Variants in CLIC5 observed in about 807,000 individuals in gnomAD.
The protein encoded by CLIC5 is chloride intracellular channel protein 5.
A neutral mutation model predicts 24.7 loss-of-function variants in CLIC5; 20 were observed. The observed-to-expected ratio is 0.81, with a 90% confidence interval of 0.57 to 1.18. The LOEUF (loss-of-function observed/expected upper bound fraction) is 1.18, where lower values mean the gene tolerates loss of function less well. Ranked by LOEUF, CLIC5 falls within the 50% of genes most tolerant of loss-of-function variation. CLIC5 has a pLI of 0.00. For synonymous variants in CLIC5, 159 were observed against 135.6 expected, an observed-to-expected ratio of 1.17 and a Z score of -1.20; for missense variants, 341 against 326.1, an observed-to-expected ratio of 1.05 and a Z score of -0.35.
chr6:45,949,703 G>A lies in CLIC5; in HGVS notation c.174-322C>T, dbSNP rs189165886. Among the ~76,000 whole-genome samples the A allele has an allele frequency of 2.9e-3, 441 of 152,340 alleles. 1 individual carries two copies. Among genetic ancestry groups the A allele is most frequent in the African/African-American group, 0.01 (422 of 41,570 alleles). On this transcript the variant is annotated intron_variant, in intron 2 of 5. Transcript: ENST00000339561. ...ATCCAAGCTTTAATTACCCAGGGGA[G>A]AGGTGGGGTTTTGCTTTTAAAAGCT...
At chr6:45,898,360 A>G (rs530360139), downstream of CLIC5, 74 of 148,280 alleles carry the variant, frequency 5.0e-4, no homozygotes, top group African/African-American at 1.9e-3. Context: ...AAATAAATTA[A>G]CCTTTATGTG....
chr6:45,898,130 T>G (rs1230989995), downstream of CLIC5, among the ~76,000 whole-genome samples: 1 of 152,166 alleles, frequency 6.6e-6, no homozygotes, highest in African/African-American at 2.4e-5. Context: ...TGGAGTGCAG[T>G]GGTGCAATCT....
chr6:45,963,158 G>T (rs1010893), intron 1 of CLIC5, among the ~76,000 whole-genome samples: 4 of 152,078 alleles, frequency 2.6e-5, no homozygotes, highest in African/African-American at 9.7e-5. Context: ...CTTTCAATCT[G>T]TTTCCGGGTT....
At chr6:45,957,366 A>G (rs4714894) in intron 1 of CLIC5, among the ~76,000 whole-genome samples, 127,972 of 152,130 alleles carry the variant, frequency 0.84, 54,440 homozygotes, top group Non-Finnish European at 0.9. Context: ...AGCTTTTACA[A>G]ATGTGGAAAT....
chr6:45,987,494 G>T lies in CLIC5; in HGVS notation c.63+27986C>A, dbSNP rs369069814. Among the ~76,000 whole-genome samples the T allele has an allele frequency of 2.6e-5, 4 of 152,332 alleles. No homozygotes were observed. The East Asian group carries it at 5.8e-4, about 22-fold the overall frequency. Reference sequence around the variant, plus strand: ...TGACCTGTGAGGGAACTATAAGATAGATTTTTGTATCGTTGTTATAATCAC... The same window carrying T: ...TGACCTGTGAGGGAACTATAAGATATATTTTTGTATCGTTGTTATAATCAC... On this transcript the variant is annotated intron_variant, in intron 1 of 5. Transcript: ENST00000339561.
Position 45,972,987 on chromosome 6 carries a change from G to A in CLIC5, c.64-17743C>T, listed in dbSNP as rs200166331. Among the ~76,000 whole-genome samples, 26 of 152,246 alleles carry A rather than the reference G, an allele frequency of 1.7e-4. 1 individual carries two copies. In the East Asian group the frequency reaches 2.7e-3, roughly 16 times the overall value. ...AATCTCTGCCAAATTTCCATACCTCGTGCAGAGGAGGAGCCTGCTTGCAAA... is the reference window on the plus strand; with the variant it reads ...AATCTCTGCCAAATTTCCATACCTCATGCAGAGGAGGAGCCTGCTTGCAAA... On this transcript the variant is annotated intron_variant, in intron 1 of 5. Coordinates refer to ENST00000339561, the MANE Select transcript of CLIC5 (RefSeq NM_016929.5).
chr6:46,058,250 TG>T (rs1400953787), intron 1 of CLIC5, among the ~76,000 whole-genome samples: 1 of 152,226 alleles, frequency 6.6e-6, no homozygotes, highest in Non-Finnish European at 1.5e-5. Flanking sequence ...AAATTATTTT[TG>T]CTCTTAATGA....
chr6:45,935,903 C>A (rs1470266238), intron 4 of CLIC5, among the ~76,000 whole-genome samples: 2 of 152,146 alleles, frequency 1.3e-5, no homozygotes, highest in Admixed American at 1.3e-4. Flanking sequence ...ACCTTCTCTG[C>A]AGCATTTTAT....
intron 6 of CLIC5, among the ~76,000 whole-genome samples, chr6:45,890,482 G>A (rs1762339163): frequency 6.6e-6 from 1 of 152,144 alleles, no homozygotes; most frequent in African/African-American, 2.4e-5. Flanking sequence ...AATGAGCACA[G>A]CCATTTTTGG....
At chr6:45,920,025 C>T (rs925906195) in intron 4 of CLIC5, 30 of 263,160 alleles carry the variant, frequency 1.1e-4, no homozygotes, top group Non-Finnish European at 1.8e-4. Context: ...ACTGTCCCAT[C>T]ACTCCTTGGG....
chr6:46,111,099 C>T, the CLIC5 span, among the ~76,000 whole-genome samples: 6 of 151,360 alleles, frequency 4.0e-5, no homozygotes, highest in Admixed American at 3.9e-4. Flanking sequence ...TTAATTCTTT[C>T]CTTGTTACAA....
At chr6:45,953,423 C>G (rs779269457) in intron 2 of CLIC5, among the ~76,000 whole-genome samples, 7 of 151,936 alleles carry the variant, frequency 4.6e-5, no homozygotes, top group Non-Finnish European at 1.0e-4. Context: ...GTAGGCCTTA[C>G]AGAGGGGATG....
intron 1 of CLIC5, among the ~76,000 whole-genome samples, chr6:45,965,089 G>A (rs1426368934): frequency 6.6e-6 from 1 of 152,134 alleles, no homozygotes; most frequent in Non-Finnish European, 1.5e-5. Flanking sequence ...ACAGTACCTA[G>A]CGTTCAGGGT....
chr6:46,024,990 A>G (rs962007150), intron 1 of CLIC5, among the ~76,000 whole-genome samples: 1 of 151,830 alleles, frequency 6.6e-6, no homozygotes, highest in Non-Finnish European at 1.5e-5. Flanking sequence ...GTGATCATAC[A>G]TGGTACAGAA....
chr6:45,978,235 G>A (rs1470369910), intron 1 of CLIC5, among the ~76,000 whole-genome samples: 1 of 152,268 alleles, frequency 6.6e-6, no homozygotes, highest in South Asian at 2.1e-4. Context: ...TACCTGGTCT[G>A]ACCCATCTAT....
chr6:45,926,804 A>G (rs983357349), intron 4 of CLIC5, among the ~76,000 whole-genome samples: 1 of 152,240 alleles, frequency 6.6e-6, no homozygotes, highest in Non-Finnish European at 1.5e-5. Flanking sequence ...CACACTGGCC[A>G]TCCTAGTGAG....
intron 1 of CLIC5, among the ~76,000 whole-genome samples, chr6:46,034,324 T>C (rs971908050): frequency 2.6e-5 from 4 of 152,244 alleles, no homozygotes. Flanking sequence ...AAGCTGCTTA[T>C]TAGAAAGCCT....
chr6:46,068,002 C>A (rs1265966680), intron 1 of CLIC5, among the ~76,000 whole-genome samples: 3 of 152,098 alleles, frequency 2.0e-5, no homozygotes, highest in Non-Finnish European at 2.9e-5. Flanking sequence ...GAGATGAAAT[C>A]ATCCTGAGTT....
At chr6:46,016,542 C>T (rs1056670527), upstream of CLIC5, among the ~76,000 whole-genome samples, 1 of 152,122 alleles carries the variant, frequency 6.6e-6, no homozygotes, top group African/African-American at 2.4e-5. Flanking sequence ...CATTTTCTTT[C>T]TATTTCTTCC....
Sources: allele counts gnomAD v4.1 joint callset (sites outside exome capture counted in the v4.1 genomes callset), GRCh38; gene constraint gnomAD v4.1.1; transcripts MANE v1.5; gene names NCBI Gene and HGNC (gene_info 2026-07-23, HGNC 2026-07-21).